Variants in CORIN observed in about 807,000 individuals in gnomAD.
The protein encoded by CORIN is corin, serine peptidase.
CORIN carries 117 observed loss-of-function variants against 125.3 expected under a neutral mutation model. The observed-to-expected ratio is 0.93, with a 90% CI of 0.80 to 1.09. The LOEUF (loss-of-function observed/expected upper bound fraction) is 1.09, where lower values mean the gene tolerates loss of function less well. Among genes scored for constraint, CORIN ranks in the 50% least tolerant of loss-of-function variants. CORIN has a pLI of 0.00. For synonymous variants in CORIN, 450 were observed against 466.4 expected, an observed-to-expected ratio of 0.96 and a Z score of 0.45; for missense variants, 1,253 against 1,306.7, an observed-to-expected ratio of 0.96 and a Z score of 0.63.
At chr4:47,813,673 C>T (rs961404979) in intron 1 of CORIN, among the ~76,000 whole-genome samples, 5 of 152,126 alleles carry the variant, frequency 3.3e-5, no homozygotes, top group Non-Finnish European at 5.9e-5. Flanking sequence ...GACATTATAC[C>T]ATGGATTTTA....
At chr4:47,651,454 A>G (rs1309688076) in intron 13 of CORIN, among the ~76,000 whole-genome samples, 1 of 152,242 alleles carries the variant, frequency 6.6e-6, no homozygotes, top group African/African-American at 2.4e-5. Flanking sequence ...GCCTTCATCA[A>G]CCTGACTTCC....
chr4:47,796,058 G>GT (rs1474703715), intron 2 of CORIN, among the ~76,000 whole-genome samples: 3 of 151,912 alleles, frequency 2.0e-5, no homozygotes, highest in Admixed American at 2.0e-4. Flanking sequence ...AGAATGGAAG[G>GT]TCCTTCAAAA....
chr4:47,773,028 T>TA (rs34714908), intron 3 of CORIN, among the ~76,000 whole-genome samples: 11 of 151,980 alleles, frequency 7.2e-5, no homozygotes, highest in Non-Finnish European at 1.2e-4. Context: ...AATTTTTTTT[T>TA]AAAAAAGTAA....
intron 20 of CORIN, 27 bp downstream of exon 20, chr4:47,603,370 T>G: frequency 6.2e-7 from 1 of 1,607,508 alleles, no homozygotes; most frequent in Non-Finnish European, 8.5e-7. Context: ...TATAGCAGCA[T>G]GAGAATGGAC....
chr4:47,623,777 T>C (rs142240381), intron 18 of CORIN, 32 bp from the exon 19 acceptor site: 1 of 1,606,484 alleles, frequency 6.2e-7, no homozygotes, highest in Non-Finnish European at 8.5e-7. Flanking sequence ...AGTTTGTGAG[T>C]TGATGCCAAA....
At chr4:47,686,865 G>A (rs1275751300) in intron 6 of CORIN, among the ~76,000 whole-genome samples, 1 of 152,042 alleles carries the variant, frequency 6.6e-6, no homozygotes, top group Non-Finnish European at 1.5e-5. Flanking sequence ...AGGACTACTA[G>A]GGAATCAAAT....
At chr4:47,753,031 A>G (rs1728973887) in intron 4 of CORIN, among the ~76,000 whole-genome samples, 1 of 152,192 alleles carries the variant, frequency 6.6e-6, no homozygotes, top group Non-Finnish European at 1.5e-5. Context: ...CCAATATTTC[A>G]ATGTAGGTTC....
At chr4:47,623,024 T>G (rs1722383914) in intron 19 of CORIN, among the ~76,000 whole-genome samples, 1 of 150,230 alleles carries the variant, frequency 6.7e-6, no homozygotes. Flanking sequence ...ACTTCTGCTA[T>G]GACAAGGCTG....
At chr4:47,675,960 G>C (rs1724998988) in intron 9 of CORIN, among the ~76,000 whole-genome samples, 1 of 152,172 alleles carries the variant, frequency 6.6e-6, no homozygotes, top group African/African-American at 2.4e-5. Flanking sequence ...TAAGAGGAAA[G>C]GATGGGTTTC....
At chr4:47,762,038 A>G (rs563164754) in intron 4 of CORIN, among the ~76,000 whole-genome samples, 25 of 152,246 alleles carry the variant, frequency 1.6e-4, no homozygotes, top group Admixed American at 1.6e-3. Context: ...ATGTATATAT[A>G]CACATGTATA....
chr4:47,609,284 G>A lies in CORIN; in HGVS notation c.2541-5616C>T, dbSNP rs568705408. Among the ~76,000 whole-genome samples, 116 of 151,940 alleles carry A rather than the reference G, an allele frequency of 7.6e-4. 4 individuals are homozygous for A. The South Asian group carries it at 0.021, about 28-fold the overall frequency. On this transcript the variant is annotated intron_variant, in intron 19 of 21. Coordinates refer to ENST00000273857, the MANE Select transcript of CORIN (RefSeq NM_006587.4). ...GATGGAGTTTCACTCTTGTCACCCC[G>A]GCTGAAGTGCAATGGCGCAATCTCA...
intron 11 of CORIN, among the ~76,000 whole-genome samples, chr4:47,662,083 T>G (rs1159561047): frequency 1.3e-5 from 2 of 152,238 alleles, no homozygotes; most frequent in African/African-American, 4.8e-5. Context: ...GAAACTTTAT[T>G]GCAGAAATAG....
At chr4:47,826,062 C>T (rs1260503817) in intron 1 of CORIN, among the ~76,000 whole-genome samples, 1 of 152,094 alleles carries the variant, frequency 6.6e-6, no homozygotes, top group African/African-American at 2.4e-5. Flanking sequence ...TTCCTCTGTT[C>T]GTCCTTAAAG....
intron 3 of CORIN, among the ~76,000 whole-genome samples, chr4:47,768,005 A>G (rs1259264904): frequency 6.6e-6 from 1 of 152,192 alleles, no homozygotes; most frequent in Non-Finnish European, 1.5e-5. Context: ...GAAGTAACTG[A>G]AGAATCACAA....
Position 47,763,478 on chromosome 4 carries a change from T to C in CORIN, c.518A>G (p.Lys173Arg), listed in dbSNP as rs759458595. The C allele has an allele frequency of 5.6e-6, 9 of 1,613,978 alleles. No homozygotes were observed. The highest frequency in any genetic ancestry group is 3.4e-6 in the Non-Finnish European group (4 of 1,180,018). ...GAGGCGATGGAGATATGTGAAAAAC[T>C]TGAGGAACTTTTCCATTTCCATGTT... ...VRNMEMEKFL[K>R]FFTYLHRLSC... Residue 173 changes from lysine (K) to arginine (R), a missense_variant, in exon 4 of 22, where the codon AAG (lysine) becomes AGG (arginine). Lys to Arg is a conservative substitution (Grantham distance 26). Transcript: ENST00000273857.
intron 20 of CORIN, among the ~76,000 whole-genome samples, chr4:47,601,658 A>T (rs748648590): frequency 6.6e-5 from 10 of 152,212 alleles, no homozygotes; most frequent in Non-Finnish European, 1.3e-4. Context: ...GAGGAATATA[A>T]GCAGAAACAA....
intron 1 of CORIN, among the ~76,000 whole-genome samples, chr4:47,834,206 G>C (rs145595126): frequency 4.1e-4 from 63 of 152,078 alleles, no homozygotes; most frequent in African/African-American, 1.5e-3. Flanking sequence ...TAGATGAATG[G>C]ATAAAGAAAA....
chr4:47,607,005 G>A (rs1016515073), intron 19 of CORIN, among the ~76,000 whole-genome samples: 16 of 152,046 alleles, frequency 1.1e-4, no homozygotes, highest in South Asian at 2.1e-4. Flanking sequence ...TTGAATAATC[G>A]AACATTCCAA....
intron 13 of CORIN, among the ~76,000 whole-genome samples, chr4:47,647,057 CG>C (rs573075503): frequency 3.3e-5 from 5 of 152,000 alleles, no homozygotes; most frequent in East Asian, 1.9e-4. Context: ...GCTGATAATC[CG>C]GGGGGGTCTT....
Sources: allele counts gnomAD v4.1 joint callset (sites outside exome capture counted in the v4.1 genomes callset), GRCh38; gene constraint gnomAD v4.1.1; transcripts MANE v1.5; gene names NCBI Gene and HGNC (gene_info 2026-07-23, HGNC 2026-07-21).